DENND5A: variants seen among roughly 807,000 people sequenced by gnomAD.
DENND5A encodes DENN domain-containing protein 5A.
DENND5A carries 64 observed loss-of-function variants against 140.3 expected under a neutral mutation model. That is an observed-to-expected ratio of 0.46 (90% confidence interval 0.37 to 0.56). The LOEUF (loss-of-function observed/expected upper bound fraction) is 0.56, where lower values mean the gene tolerates loss of function less well. Ranked by LOEUF, DENND5A falls within the 20% of genes least tolerant of loss-of-function variation. The pLI is 0.00. For missense variants in DENND5A, 1,292 were observed against 1,593.8 expected (o/e 0.81, Z 3.22); for synonymous variants, 605 against 607.7 (o/e 1.00, Z 0.07).
Position 9,145,896 on chromosome 11 carries a change from A to G in DENND5A, c.2858-81T>C, listed in dbSNP as rs889574681. The G allele has an allele frequency of 4.0e-6, 6 of 1,493,506 alleles. No homozygotes were observed. The Admixed American group carries it at 1.0e-4, about 26-fold the overall frequency. The allele number at this position is 1,493,506 out of a possible 1,614,324, so 92.5% of individuals were successfully genotyped here. The stretch of plus-strand genomic sequence containing the variant: ...AGATGGGACTCTGACCTGCTCCAGG[A>G]AGGCTGGCACAACTGTGGCTCCTGC... On this transcript the variant is annotated intron_variant, in intron 16 of 22. Coordinates refer to ENST00000328194, the MANE Select transcript of DENND5A (RefSeq NM_015213.4).
At chr11:9,253,971 A>G (rs978659414) in intron 1 of DENND5A, among the ~76,000 whole-genome samples, 10 of 152,012 alleles carry the variant, frequency 6.6e-5, no homozygotes, top group Non-Finnish European at 1.3e-4. Flanking sequence ...CAGCCTGACC[A>G]ACATGGAGAA....
At chr11:9,155,868 C>T (rs1847785206) in intron 12 of DENND5A, among the ~76,000 whole-genome samples, 1 of 152,224 alleles carries the variant, frequency 6.6e-6, no homozygotes, top group African/African-American at 2.4e-5. Flanking sequence ...AGACTTGCTG[C>T]AGGCAGCCTT....
intron 20 of DENND5A, 95 bp downstream of exon 20, chr11:9,143,308 A>C (rs1396050593): frequency 9.0e-7 from 1 of 1,108,834 alleles, no homozygotes; most frequent in Non-Finnish European, 1.4e-6. Flanking sequence ...TCCACAGCAC[A>C]TGGGCCTGGA....
intron 1 of DENND5A, among the ~76,000 whole-genome samples, chr11:9,257,625 G>T (rs1269101021): frequency 6.6e-6 from 1 of 151,050 alleles, no homozygotes; most frequent in Non-Finnish European, 1.5e-5. Context: ...GGGACTACAG[G>T]TGCCCGCCAT....
Position 9,237,350 on chromosome 11 carries a change from A to G in DENND5A, c.109+27611T>C, listed in dbSNP as rs1851046640. 2.0e-5 allele frequency among the ~76,000 whole-genome samples: 3 copies of G among 152,138 alleles called. 1 individual carries two copies. The highest frequency in any genetic ancestry group is 1.5e-5 in the Non-Finnish European group (1 of 68,008). The stretch of plus-strand genomic sequence containing the variant: ...CAGGAGAATAGCTCTTGAACCCAGG[A>G]GGCAGAGGTTGCAGTGAGGCAAGAT... On this transcript the variant is annotated intron_variant, in intron 1 of 22. Coordinates refer to ENST00000328194, the MANE Select transcript of DENND5A (RefSeq NM_015213.4).
At chr11:9,261,777 C>CAA (rs10651988) in intron 1 of DENND5A, among the ~76,000 whole-genome samples, 2,243 of 89,764 alleles carry the variant, frequency 0.025, 138 homozygotes, top group African/African-American at 0.093. Flanking sequence ...GACTGTGTCT[C>CAA]AAAAAAAAAA....
chr11:9,139,905 A>C, intron 22 of DENND5A, 51 bp from the exon 23 acceptor site: 1 of 1,574,286 alleles, frequency 6.4e-7, no homozygotes, highest in Non-Finnish European at 8.7e-7. Context: ...AGGAAAAGGA[A>C]GAGAGAGCGT....
At chr11:9,169,223 G>A (rs1200109694) in intron 10 of DENND5A, among the ~76,000 whole-genome samples, 1 of 152,286 alleles carries the variant, frequency 6.6e-6, no homozygotes, top group South Asian at 2.1e-4. Flanking sequence ...GAGGCAGGCG[G>A]ATTACCTGAG....
rs143278220 is a variant in DENND5A at position 9,150,718 on chromosome 11, G to A, written c.2568C>T (p.Leu856=). ...TCAGGGAGATCCTCAGGGGAGGCAT[G>A]AGTGAGCTGGCATCAGACTTCCTAC... The part of the protein sequence containing the change: ...SERRKSDASS[L]MPPLRISLIQ... Residue 856 remains leucine, a synonymous_variant, in exon 14 of 23, where the codon CTC becomes CTT. Transcript: ENST00000328194. 3.7e-6 allele frequency: 6 copies of A among 1,613,524 alleles called. No individual in the cohort carries two copies. The African/African-American group carries it at 6.7e-5, about 18-fold the overall frequency.
At chr11:9,206,530 G>T in intron 3 of DENND5A, 143 bp downstream of exon 3, 2 of 657,476 alleles carry the variant, frequency 3.0e-6, no homozygotes, top group Non-Finnish European at 5.3e-6. Flanking sequence ...CCAAAATGCA[G>T]AATAATAAAC....
At chr11:9,184,058 A>T (rs1421593457) in intron 5 of DENND5A, among the ~76,000 whole-genome samples, 2 of 151,600 alleles carry the variant, frequency 1.3e-5, no homozygotes, top group Non-Finnish European at 2.9e-5. Context: ...TCTCAAAAAA[A>T]AAAAGACATT....
chr11:9,251,512 C>A (rs553928814), intron 1 of DENND5A, among the ~76,000 whole-genome samples: 2 of 152,260 alleles, frequency 1.3e-5, no homozygotes, highest in South Asian at 4.1e-4. Context: ...TGAGTCATAT[C>A]TGATCCCCTG....
chr11:9,235,865 T>G (rs1850979063), intron 1 of DENND5A, among the ~76,000 whole-genome samples: 1 of 152,094 alleles, frequency 6.6e-6, no homozygotes, highest in Non-Finnish European at 1.5e-5. Flanking sequence ...CATTTTCTTT[T>G]GAGGAGATGA....
chr11:9,221,014 A>T (rs1850291397), intron 1 of DENND5A, among the ~76,000 whole-genome samples: 1 of 151,366 alleles, frequency 6.6e-6, no homozygotes, highest in Non-Finnish European at 1.5e-5. Flanking sequence ...CCCAGGAGGC[A>T]GAGGTTGCCG....
rs781047379 is a variant in DENND5A, at chr11:9,203,951, G to C, written c.658C>G (p.Arg220Gly). Residue 220 changes from arginine to glycine, a missense_variant, in exon 4 of 23, where the codon CGG becomes GGG. This residue lies in a region of DENND5A where 566 missense variants were observed against 650.4 expected (regional missense o/e 0.87). Transcript: ENST00000328194. ...ITPMSFMKAC[R>G]SVLEQLHQAV... ...TGGTGGAGTTGCTCCAGCACGCTCCGACATGCCTTCATGAAAGACATGGGT... is the reference window on the plus strand; with the variant it reads ...TGGTGGAGTTGCTCCAGCACGCTCCCACATGCCTTCATGAAAGACATGGGT... The C allele has an allele frequency of 1.2e-6, 2 of 1,614,106 alleles. No individual in the cohort carries two copies. Among genetic ancestry groups the C allele is most frequent in the East Asian group, 2.2e-5 (1 of 44,878 alleles).
chr11:9,170,961 T>C (rs1027949793), intron 8 of DENND5A, 184 bp from the exon 9 acceptor site: 2 of 1,040,264 alleles, frequency 1.9e-6, no homozygotes, highest in African/African-American at 3.2e-5. Context: ...AATGATAAAC[T>C]TCAGAATACT....
At chr11:9,245,322 G>A (rs1372119697) in intron 1 of DENND5A, 1 of 150,880 alleles carries the variant, frequency 6.6e-6, no homozygotes, top group African/African-American at 2.4e-5. Flanking sequence ...AAAATGCAGT[G>A]GCTCATACCT....
chr11:9,199,133 C>T (rs1849439710), intron 4 of DENND5A, among the ~76,000 whole-genome samples: 1 of 151,290 alleles, frequency 6.6e-6, no homozygotes, highest in African/African-American at 2.4e-5. Flanking sequence ...TGTGACTTAA[C>T]TGACTTTTTT....
chr11:9,207,736 A>G, intron 1 of DENND5A, 104 bp from the exon 2 acceptor site: 1 of 822,614 alleles, frequency 1.2e-6, no homozygotes, highest in South Asian at 1.6e-5. Context: ...ATGAAACAAT[A>G]AACACATACA....
Sources: gnomAD v4.1 joint callset for allele counts (sites outside exome capture counted in the v4.1 genomes callset) on GRCh38, gnomAD v4.1.1 for gene constraint, gnomAD v4.1.1 regional missense constraint, MANE v1.5 for transcripts, NCBI Gene and HGNC (gene_info 2026-07-23, HGNC 2026-07-21) for gene names.